The following TMEM200C variants were observed in gnomAD, a reference collection of about 807,000 sequenced individuals.
The protein encoded by TMEM200C is transmembrane protein 200C.
For synonymous variants in TMEM200C, 462 were observed against 324.7 expected (o/e 1.42, Z -4.55); for missense variants, 966 against 699.9 (o/e 1.38, Z -4.29).
In TMEM200C at chr18:5,891,896, G is replaced by T; in HGVS notation, c.168C>A (p.Ala56=). ...CCAGCAGCACCAGGATCCCACAGAG[G>T]GCGATGAGCCCTGAGATGGAGCACA... The change falls in exon 3 of 3, where the codon GCC becomes GCA. Residue 56 remains alanine (A), a synonymous_variant. Transcript: ENST00000581347. This position sits in a 1 kb window ranked among gnomAD's most constrained non-coding sequence, Gnocchi z 4.7. 1.9e-6 allele frequency: 3 copies of T among 1,613,046 alleles called. No homozygotes were observed. The highest frequency in any genetic ancestry group is 1.7e-6 in the Non-Finnish European group (2 of 1,179,868).
intron 2 of TMEM200C, among the ~76,000 whole-genome samples, chr18:5,892,427 T>A (rs1170230631): frequency 1.3e-5 from 2 of 152,202 alleles, no homozygotes; most frequent in Admixed American, 1.3e-4. Context: ...CTTCTTCTCC[T>A]CGCTCCCCAC....
At chr18:5,886,082 T>C (rs1447918177) in exon 3 of TMEM200C, 1 of 152,124 alleles carries the variant, frequency 6.6e-6, no homozygotes, top group Non-Finnish European at 1.5e-5. Flanking sequence ...CAAATACAAG[T>C]CCATATACTT....
exon 3 of TMEM200C, chr18:5,884,613 G>A (rs2095164041): frequency 6.6e-6 from 1 of 152,084 alleles, no homozygotes; most frequent in South Asian, 2.1e-4. Flanking sequence ...AATTTGTGTA[G>A]TTTACCAAAA....
At chr18:5,884,094 G>C (rs190405658) in exon 3 of TMEM200C, 1 of 152,104 alleles carries the variant, frequency 6.6e-6, no homozygotes, top group African/African-American at 2.4e-5. Context: ...CCAAACCATC[G>C]TAATTTTAAT....
At chr18:5,883,306 T>G (rs2095163088) in exon 3 of TMEM200C, 1 of 152,182 alleles carries the variant, frequency 6.6e-6, no homozygotes, top group African/African-American at 2.4e-5. Flanking sequence ...AATTATTTTT[T>G]TTTTACTTTA....
chr18:5,890,101 G>A, exon 3 of TMEM200C: 1 of 1,144,676 alleles, frequency 8.7e-7, no homozygotes, highest in Non-Finnish European at 1.2e-6. Context: ...GATGTCCTCG[G>A]ATCAGTCCAC....
At chr18:5,890,413 A>C (rs1448076098) in exon 3 of TMEM200C, 1 of 1,575,734 alleles carries the variant, frequency 6.3e-7, no homozygotes, top group Admixed American at 1.8e-5. Flanking sequence ...ACTGCGTCCA[A>C]GACCGACTCG....
exon 3 of TMEM200C, chr18:5,882,629 T>C (rs1188468088): frequency 6.6e-6 from 1 of 152,176 alleles, no homozygotes; most frequent in East Asian, 1.9e-4. Context: ...TTTGAGAAGA[T>C]ATAAAAAATT....
At chr18:5,890,449 G>A (rs1243127201) in exon 3 of TMEM200C, 17 of 1,581,334 alleles carry the variant, frequency 1.1e-5, no homozygotes, top group African/African-American at 1.3e-5. Context: ...TCCCGCAGGG[G>A]TGTGTAGCCC....
Position 5,891,005 on chromosome 18 carries a change from C to T in TMEM200C, c.1059G>A (p.Pro353=). Residue 353 remains proline, a synonymous_variant, in exon 3 of 3, where the codon CCG becomes CCA. Transcript: ENST00000581347. The surrounding 1 kb of genome is among the most constrained non-coding windows in gnomAD (Gnocchi z 4.7). ...AGCTCTCGGGTGGGCTGCAGGGCGC[C>T]GGACTGCTGCAGCTGCTAGCGGCTG... 3.2e-6 allele frequency: 2 copies of T among 631,330 alleles called. No individual in the cohort carries two copies. The highest frequency in any genetic ancestry group is 1.7e-5 in the South Asian group (1 of 59,740). The allele number at this position is 631,330 out of a possible 1,614,324, so 39.1% of individuals were successfully genotyped here. A position where few individuals can be genotyped will look rare whatever the true frequency, so the allele number is the denominator to read the frequency against.
At chr18:5,884,579 T>C (rs1458835870) in exon 3 of TMEM200C, 2 of 152,180 alleles carry the variant, frequency 1.3e-5, no homozygotes, top group East Asian at 3.8e-4. Context: ...CAGAGTATAA[T>C]ATATCTGAAA....
At position 5,891,054 on chromosome 18, in the gene TMEM200C, C is replaced by A. The variant is rs577863972; in HGVS notation, c.1010G>T (p.Arg337Leu). The A allele has an allele frequency of 2.2e-3, 1,168 of 541,674 alleles. 24 individuals carry two copies. The South Asian group carries it at 0.024, about 11-fold the overall frequency. 33.6% of individuals were successfully genotyped at this position (541,674 alleles called of 1,614,324 possible). Residue 337 changes from arginine to leucine, a missense_variant, in exon 3 of 3, where the codon CGG becomes CTG. Arg to Leu is a moderately radical substitution (Grantham distance 102, BLOSUM62 -2). Coordinates refer to ENST00000581347, the Ensembl canonical transcript of TMEM200C. This position sits in a 1 kb window ranked among gnomAD's most constrained non-coding sequence, Gnocchi z 4.7. Reference sequence around the variant, plus strand: ...TGCGGCGGCGGTGGCAGCGGCGGCCCGGCGACTGCCTGCCACGCCCGAGCG... The same window carrying A: ...TGCGGCGGCGGTGGCAGCGGCGGCCAGGCGACTGCCTGCCACGCCCGAGCG...
chr18:5,886,939 G>C (rs887727517), exon 3 of TMEM200C: 1 of 152,138 alleles, frequency 6.6e-6, no homozygotes, highest in African/African-American at 2.4e-5. Context: ...ACAAACCTTT[G>C]TATAATACTC....
exon 3 of TMEM200C, chr18:5,884,223 T>C (rs2095163787): frequency 6.6e-6 from 1 of 152,176 alleles, no homozygotes; most frequent in Non-Finnish European, 1.5e-5. Context: ...CTCTATGCTA[T>C]GGAGATACTA....
exon 3 of TMEM200C, chr18:5,882,172 A>G (rs760951192): frequency 2.6e-5 from 4 of 152,230 alleles, no homozygotes; most frequent in Non-Finnish European, 5.9e-5. Flanking sequence ...AAGTTGCCAC[A>G]TATCAACTTG....
intron 2 of TMEM200C, among the ~76,000 whole-genome samples, chr18:5,892,969 T>C (rs977612215): frequency 2.6e-5 from 4 of 152,302 alleles, no homozygotes; most frequent in Non-Finnish European, 2.9e-5. Flanking sequence ...TTTAGGTAAC[T>C]GCTTATGTAA....
At chr18:5,892,070 C>T in exon 3 of TMEM200C, 13 of 1,609,764 alleles carry the variant, frequency 8.1e-6, no homozygotes, top group Non-Finnish European at 1.0e-5. Context: ...TCATGGCGAG[C>T]TCCTGGAGTG....
intron 2 of TMEM200C, among the ~76,000 whole-genome samples, chr18:5,892,600 G>C (rs1221914263): frequency 6.6e-6 from 1 of 152,182 alleles, no homozygotes; most frequent in African/African-American, 2.4e-5. Flanking sequence ...TTTTTCAAGG[G>C]AGCTGTCACA....
In TMEM200C at chr18:5,891,937, T is replaced by TCAC. The variant is rs2095171657; in HGVS notation, c.124_126dup (p.Val42dup). On this transcript the variant is annotated inframe_insertion, in exon 3 of 3. Coordinates refer to ENST00000581347, the Ensembl canonical transcript of TMEM200C. The surrounding 1 kb of genome is among the most constrained non-coding windows in gnomAD (Gnocchi z 4.7). The stretch of plus-strand genomic sequence containing the variant: ...ATGGAGCACAGCTTCAGCTTGCCTT[T>TCAC]CACCACCACCACGTCGTTCTTGCGC... 5.0e-6 allele frequency: 8 copies of TCAC among 1,613,808 alleles called. No individual in the cohort carries two copies. The South Asian group carries it at 7.7e-5, about 16-fold the overall frequency.
Sources: allele counts gnomAD v4.1 joint callset (sites outside exome capture counted in the v4.1 genomes callset), GRCh38; gene constraint gnomAD v4.1.1; non-coding constraint Gnocchi (gnomAD v3.1); transcripts MANE v1.5; gene names NCBI Gene and HGNC (gene_info 2026-07-23, HGNC 2026-07-21).